The following LSAMP variants were observed in gnomAD, a reference collection of about 807,000 sequenced individuals.
LSAMP encodes limbic system-associated membrane protein.
LSAMP carries 7 observed loss-of-function variants against 38.6 expected under a neutral mutation model. The ratio of observed to expected loss-of-function variants is 0.18; its 90% CI spans 0.10 to 0.34. The LOEUF is 0.34. Among genes scored for constraint, LSAMP ranks in the 10% least tolerant of loss-of-function variants. The pLI, the probability that LSAMP is intolerant of heterozygous loss-of-function variation, is 1.00. For synonymous variants in LSAMP, 154 were observed against 166.8 expected (o/e 0.92, Z 0.59); for missense variants, 313 against 420.0 (o/e 0.75, Z 2.23).
chr3:116,241,841 C>T (rs780880675), intron 1 of LSAMP, among the ~76,000 whole-genome samples: 1 of 152,210 alleles, frequency 6.6e-6, no homozygotes, highest in Non-Finnish European at 1.5e-5. Context: ...ACCACTATCA[C>T]TGTTAGAGAA....
At chr3:116,232,699 CTTTTTTT>C (rs1219296323) in intron 1 of LSAMP, among the ~76,000 whole-genome samples, 1 of 99,448 alleles carries the variant, frequency 1.0e-5, no homozygotes, top group Non-Finnish European at 2.1e-5. Context: ...TTCTTTCTTT[CTTTTTTT>C]TTTTTTTTTT....
intron 1 of LSAMP, among the ~76,000 whole-genome samples, chr3:116,391,787 C>T (rs2048703037): frequency 6.6e-6 from 1 of 152,160 alleles, no homozygotes; most frequent in South Asian, 2.1e-4. Context: ...TTCAGGGATC[C>T]AGCCAGCAGT....
At chr3:116,379,909 G>A (rs780719200) in intron 1 of LSAMP, among the ~76,000 whole-genome samples, 26 of 151,970 alleles carry the variant, frequency 1.7e-4, no homozygotes, top group African/African-American at 2.9e-4. Flanking sequence ...CACTCAGATC[G>A]CTTCTGTGTT....
chr3:116,193,119 T>A (rs1321536186), intron 1 of LSAMP, among the ~76,000 whole-genome samples: 2 of 152,218 alleles, frequency 1.3e-5, no homozygotes, highest in Non-Finnish European at 2.9e-5. Flanking sequence ...TACATAAACT[T>A]ACTATGTCCT....
At chr3:116,230,641 G>T (rs1374816549) in intron 1 of LSAMP, among the ~76,000 whole-genome samples, 1 of 152,072 alleles carries the variant, frequency 6.6e-6, no homozygotes, top group Admixed American at 6.6e-5. Context: ...TGTTACCATA[G>T]AAAGGTCTCT....
chr3:115,903,222 C>T (rs542867524), intron 3 of LSAMP, among the ~76,000 whole-genome samples: 1 of 152,216 alleles, frequency 6.6e-6, no homozygotes, highest in East Asian at 1.9e-4. Flanking sequence ...TTATCCTTAG[C>T]AAACTAACAG....
intron 1 of LSAMP, among the ~76,000 whole-genome samples, chr3:116,299,604 G>A (rs914729941): frequency 2.0e-5 from 3 of 152,054 alleles, no homozygotes; most frequent in Admixed American, 2.0e-4. Flanking sequence ...AGATGGTTTC[G>A]AGACTCTGAA....
intron 4 of LSAMP, among the ~76,000 whole-genome samples, chr3:115,851,684 C>T (rs1935334770): frequency 6.6e-6 from 1 of 152,188 alleles, no homozygotes; most frequent in Admixed American, 6.5e-5. Context: ...AAGAGAAGAA[C>T]TGTCAAAGCT....
intron 3 of LSAMP, among the ~76,000 whole-genome samples, chr3:115,853,161 T>C (rs1935386130): frequency 1.3e-5 from 2 of 152,258 alleles, no homozygotes; most frequent in African/African-American, 4.8e-5. Flanking sequence ...AAGCACTCTT[T>C]ACACCAACAT....
chr3:115,901,878 C>T (rs987702843), intron 3 of LSAMP, among the ~76,000 whole-genome samples: 45 of 151,904 alleles, frequency 3.0e-4, no homozygotes, highest in African/African-American at 1.0e-3. Flanking sequence ...TGACCACATT[C>T]AGAAATAAAA....
At chr3:116,024,039 C>T (rs997457087) in intron 2 of LSAMP, among the ~76,000 whole-genome samples, 1 of 152,128 alleles carries the variant, frequency 6.6e-6, no homozygotes, top group Non-Finnish European at 1.5e-5. Flanking sequence ...CCTGTCATTC[C>T]CCACCCTGCC....
At chr3:115,824,022 G>A (rs1025653189) in intron 6 of LSAMP, among the ~76,000 whole-genome samples, 3 of 152,206 alleles carry the variant, frequency 2.0e-5, no homozygotes, top group Non-Finnish European at 2.9e-5. Context: ...AACATAAAGA[G>A]AATGCTTTCT....
intron 6 of LSAMP, among the ~76,000 whole-genome samples, chr3:115,817,200 A>G (rs1420908537): frequency 1.3e-5 from 2 of 151,902 alleles, no homozygotes; most frequent in East Asian, 3.9e-4. Context: ...CTCGAAAGGG[A>G]CTCCTCTCAT....
chr3:116,154,713 T>A (rs996919321), intron 1 of LSAMP, among the ~76,000 whole-genome samples: 2 of 152,086 alleles, frequency 1.3e-5, no homozygotes. Context: ...CCATCCCTAC[T>A]CATTTTGCTT....
intron 4 of LSAMP, among the ~76,000 whole-genome samples, chr3:115,852,244 TTTAGTC>T: frequency 6.6e-6 from 1 of 152,366 alleles, no homozygotes; most frequent in South Asian, 2.1e-4. Context: ...TTCTTAATTC[TTTAGTC>T]TGAGTAGAAA....
At chr3:115,974,761 A>G (rs1259453708) in intron 3 of LSAMP, among the ~76,000 whole-genome samples, 1 of 152,170 alleles carries the variant, frequency 6.6e-6, no homozygotes, top group Non-Finnish European at 1.5e-5. Flanking sequence ...CTAGTAATAG[A>G]TATTAACAGT....
At chr3:116,005,560 T>C (rs980447927) in intron 3 of LSAMP, among the ~76,000 whole-genome samples, 1 of 152,160 alleles carries the variant, frequency 6.6e-6, no homozygotes, top group Admixed American at 6.5e-5. Flanking sequence ...CATCACACAC[T>C]AGCCTCAGCA....
At chr3:115,822,424 G>A (rs556230628) in intron 6 of LSAMP, among the ~76,000 whole-genome samples, 10 of 142,116 alleles carry the variant, frequency 7.0e-5, no homozygotes, top group South Asian at 6.6e-4. Flanking sequence ...GCAATGGCCC[G>A]ATCTCGGCCC....
chr3:116,031,870 A>G lies in LSAMP; in HGVS notation c.389-12230T>C, dbSNP rs140102350. Among the ~76,000 whole-genome samples, 656 of 152,120 alleles carry G rather than the reference A, an allele frequency of 4.3e-3. 2 individuals are homozygous for G. The highest frequency in any genetic ancestry group is 0.015 in the African/African-American group (627 of 41,528). ...ACATTATTTCCTTCTAAACAAATAG[A>G]GTTACCATTGTGAATTAATTAATAC... On this transcript the variant is annotated intron_variant, in intron 2 of 6. Coordinates refer to ENST00000490035, the MANE Select transcript of LSAMP (RefSeq NM_002338.5).
Sources: allele counts gnomAD v4.1 joint callset (sites outside exome capture counted in the v4.1 genomes callset), GRCh38; gene constraint gnomAD v4.1.1; transcripts MANE v1.5; gene names NCBI Gene and HGNC (gene_info 2026-07-23, HGNC 2026-07-21).